Variants in NAA25 observed in about 807,000 individuals in gnomAD.
NAA25 encodes N-terminal acetyltransferase B complex subunit NAA25.
NAA25 carries 30 observed loss-of-function variants against 132.5 expected under a neutral mutation model. The observed-to-expected ratio is 0.23, with a 90% CI of 0.17 to 0.31. NAA25 has a LOEUF of 0.31. NAA25 is among the 10% of genes least tolerant of loss of function. NAA25 has a pLI of 1.00. For missense variants in NAA25, 771 were observed against 1,150.4 expected, an observed-to-expected ratio of 0.67 and a Z score of 4.77; for synonymous variants, 359 against 401.9, an observed-to-expected ratio of 0.89 and a Z score of 1.28.
chr12:112,086,480 G>A (rs1268595595), intron 4 of NAA25, among the ~76,000 whole-genome samples: 1 of 151,340 alleles, frequency 6.6e-6, no homozygotes, highest in East Asian at 2.0e-4. Flanking sequence ...GGGCAACAGA[G>A]CAAGACTCCA....
chr12:112,077,764 G>A (rs1323433516), intron 7 of NAA25, among the ~76,000 whole-genome samples: 2 of 152,016 alleles, frequency 1.3e-5, no homozygotes, highest in Non-Finnish European at 2.9e-5. Flanking sequence ...ATCCTGACTA[G>A]AGGGGCATTA....
At chr12:112,041,657 CAGT>C (rs2078302648) in intron 20 of NAA25, among the ~76,000 whole-genome samples, 2 of 152,066 alleles carry the variant, frequency 1.3e-5, no homozygotes, top group African/African-American at 4.8e-5. Flanking sequence ...ATTTCAGCAT[CAGT>C]AGAAGAAATA....
chr12:112,073,787 G>C (rs985935775), intron 9 of NAA25, among the ~76,000 whole-genome samples: 1 of 151,744 alleles, frequency 6.6e-6, no homozygotes, highest in Non-Finnish European at 1.5e-5. Context: ...ATTTATTGTA[G>C]TACTGCCTAC....
At chr12:112,061,450 A>G in intron 11 of NAA25, 62 bp from the exon 12 acceptor site, 2 of 1,145,604 alleles carry the variant, frequency 1.7e-6, no homozygotes, top group Non-Finnish European at 2.6e-6. Flanking sequence ...AGTAGGCCAT[A>G]ATTAACAGAA....
At position 112,043,280 on chromosome 12, in the gene NAA25, G is replaced by A; in HGVS notation, c.2251-69C>T. 3 of 1,469,854 alleles carry A rather than the reference G, an allele frequency of 2.0e-6. No homozygotes were observed. In the South Asian group the frequency reaches 4.4e-5, roughly 21 times the overall value. The allele number at this position is 1,469,854 out of a possible 1,614,324, so 91.1% of individuals were successfully genotyped here. On this transcript the variant is annotated intron_variant, in intron 18 of 23. Coordinates refer to ENST00000261745, the MANE Select transcript of NAA25 (RefSeq NM_024953.4). Reference sequence around the variant, plus strand: ...AATGCATACAAAATAAGAAAATCAGGTAACTAGTAGATAAAAACCTGTCTC... The same window carrying A: ...AATGCATACAAAATAAGAAAATCAGATAACTAGTAGATAAAAACCTGTCTC...
chr12:112,089,894 G>A (rs1249483909), intron 3 of NAA25, among the ~76,000 whole-genome samples: 7 of 151,504 alleles, frequency 4.6e-5, no homozygotes, highest in Non-Finnish European at 7.4e-5. Flanking sequence ...CTGGGAAGCC[G>A]AGGCAGGAGA....
intron 21 of NAA25, 159 bp from the exon 22 acceptor site, chr12:112,039,498 A>G (rs2078272477): frequency 1.9e-6 from 1 of 533,062 alleles, no homozygotes; most frequent in African/African-American, 1.9e-5. Flanking sequence ...CAATCACTCT[A>G]CTGATCCAGG....
intron 1 of NAA25, among the ~76,000 whole-genome samples, chr12:112,108,448 G>A (rs1001521326): frequency 6.6e-6 from 1 of 152,214 alleles, no homozygotes; most frequent in African/African-American, 2.4e-5. Flanking sequence ...GGTGTCTGCA[G>A]AACCACGCGT....
chr12:112,050,395 T>C (rs1300750635), intron 15 of NAA25, among the ~76,000 whole-genome samples: 1 of 152,212 alleles, frequency 6.6e-6, no homozygotes, highest in African/African-American at 2.4e-5. Flanking sequence ...GCTATTTAGA[T>C]CCCGAATGGA....
chr12:112,080,989 G>T, intron 5 of NAA25, 71 bp downstream of exon 5: 1 of 1,295,796 alleles, frequency 7.7e-7, no homozygotes, highest in South Asian at 1.2e-5. Context: ...CAGTTCAGAA[G>T]ACACACTGAG....
intron 3 of NAA25, among the ~76,000 whole-genome samples, chr12:112,089,882 A>G (rs1256413612): frequency 6.6e-6 from 1 of 151,164 alleles, no homozygotes; most frequent in Non-Finnish European, 1.5e-5. Flanking sequence ...AATCCCAGCT[A>G]CCTGGGAAGC....
At chr12:112,048,737 G>C (rs527982458) in intron 15 of NAA25, among the ~76,000 whole-genome samples, 1 of 152,098 alleles carries the variant, frequency 6.6e-6, no homozygotes, top group Non-Finnish European at 1.5e-5. Flanking sequence ...CTGAGGTTTT[G>C]TTTTGCCACA....
At position 112,039,429 on chromosome 12, in the gene NAA25, C is replaced by T. The variant is rs140359135; in HGVS notation, c.2539-90G>A. 244 of 747,496 alleles carry T rather than the reference C, an allele frequency of 3.3e-4. No homozygotes were observed. In the African/African-American group the frequency reaches 3.5e-3, roughly 11 times the overall value. 46.3% of individuals were successfully genotyped at this position (747,496 alleles called of 1,614,324 possible). ...AGGCAATGGATTCAACAAATTCTAACGCAGTTCTTCTATGTAAATCCCTTC... is the reference window on the plus strand; with the variant it reads ...AGGCAATGGATTCAACAAATTCTAATGCAGTTCTTCTATGTAAATCCCTTC... On this transcript the variant is annotated intron_variant, in intron 21 of 23. Transcript: ENST00000261745.
intron 1 of NAA25, among the ~76,000 whole-genome samples, chr12:112,108,010 A>G (rs1290347591): frequency 6.6e-6 from 1 of 152,142 alleles, no homozygotes; most frequent in Non-Finnish European, 1.5e-5. Context: ...ACCACAGAGA[A>G]GCTGCAGAAA....
At chr12:112,064,403 G>C (rs1201318535) in intron 11 of NAA25, 1 of 151,984 alleles carries the variant, frequency 6.6e-6, no homozygotes, top group Non-Finnish European at 1.5e-5. Context: ...GCTAATTTTT[G>C]TATTTTTAGT....
At chr12:112,047,535 C>T (rs1193433033) in intron 17 of NAA25, 130 bp downstream of exon 17, 8 of 1,173,026 alleles carry the variant, frequency 6.8e-6, no homozygotes, top group Non-Finnish European at 2.4e-6. Context: ...CCCAGCCCAA[C>T]CTAATTCTTT....
At chr12:112,066,323 C>T (rs1225283733) in intron 11 of NAA25, among the ~76,000 whole-genome samples, 1 of 152,226 alleles carries the variant, frequency 6.6e-6, no homozygotes, top group African/African-American at 2.4e-5. Flanking sequence ...GGGCTTAGCA[C>T]ACAATATGCT....
chr12:112,057,170 A>G (rs2078559244), intron 13 of NAA25, among the ~76,000 whole-genome samples: 1 of 152,196 alleles, frequency 6.6e-6, no homozygotes, highest in South Asian at 2.1e-4. Flanking sequence ...CCCTGGCAAC[A>G]GAGCGAGACT....
intron 1 of NAA25, among the ~76,000 whole-genome samples, chr12:112,096,764 C>T (rs1230820564): frequency 6.6e-6 from 1 of 152,216 alleles, no homozygotes; most frequent in Non-Finnish European, 1.5e-5. Flanking sequence ...ACGACACCCT[C>T]TCTTCCTCAT....
Sources: gnomAD v4.1 joint callset for allele counts (sites outside exome capture counted in the v4.1 genomes callset) on GRCh38, gnomAD v4.1.1 for gene constraint, MANE v1.5 for transcripts, NCBI Gene and HGNC (gene_info 2026-07-23, HGNC 2026-07-21) for gene names.